The following DCC variants were observed in gnomAD, a reference collection of about 807,000 sequenced individuals.
The protein encoded by DCC is DCC netrin 1 receptor.
In DCC, 58 loss-of-function variants were observed where a neutral mutation model predicts 172.5. That is an observed-to-expected ratio of 0.34 (90% CI 0.27 to 0.42). The LOEUF (loss-of-function observed/expected upper bound fraction) is 0.42, where lower values mean the gene tolerates loss of function less well. Among genes scored for constraint, DCC ranks in the 10% least tolerant of loss-of-function variants. The pLI, the probability that DCC is intolerant of heterozygous loss-of-function variation, is 1.00. For synonymous variants in DCC, 709 were observed against 644.5 expected, an observed-to-expected ratio of 1.10 and a Z score of -1.52; for missense variants, 1,740 against 1,791.0, an observed-to-expected ratio of 0.97 and a Z score of 0.51.
chr18:52,371,846 G>T (rs1442702095), intron 1 of DCC, among the ~76,000 whole-genome samples: 1 of 152,188 alleles, frequency 6.6e-6, no homozygotes, highest in African/African-American at 2.4e-5. Context: ...GGCACCCTAG[G>T]TTCCTCTCTG....
At chr18:52,350,048 T>TA (rs1426519714) in intron 1 of DCC, among the ~76,000 whole-genome samples, 1 of 152,232 alleles carries the variant, frequency 6.6e-6, no homozygotes, top group East Asian at 1.9e-4. Flanking sequence ...CAGGAAGGAC[T>TA]ATCAATGCCT....
At chr18:53,514,125 C>G (rs1568180352) in intron 27 of DCC, among the ~76,000 whole-genome samples, 1 of 152,146 alleles carries the variant, frequency 6.6e-6, no homozygotes, top group Non-Finnish European at 1.5e-5. Context: ...TGCAATCAAA[C>G]TAGAACTCAG....
intron 1 of DCC, among the ~76,000 whole-genome samples, chr18:52,550,441 T>C (rs1162927088): frequency 2.0e-5 from 3 of 152,158 alleles, no homozygotes; most frequent in African/African-American, 4.8e-5. Flanking sequence ...TGTGTTCTAT[T>C]TGATGAACGG....
At chr18:53,465,849 C>A (rs1448352103) in intron 24 of DCC, among the ~76,000 whole-genome samples, 3 of 152,178 alleles carry the variant, frequency 2.0e-5, no homozygotes, top group African/African-American at 7.2e-5. Context: ...ACTGCAATCT[C>A]CGCCTCCCAG....
chr18:53,439,031 A>G (rs1053400292), intron 22 of DCC, among the ~76,000 whole-genome samples: 1 of 152,220 alleles, frequency 6.6e-6, no homozygotes, highest in African/African-American at 2.4e-5. Context: ...CGTATCTGAA[A>G]TATTTCTAGA....
intron 5 of DCC, among the ~76,000 whole-genome samples, chr18:52,999,389 A>G (rs2041531021): frequency 1.3e-5 from 2 of 152,022 alleles, no homozygotes; most frequent in Admixed American, 1.3e-4. Flanking sequence ...AACCCTTGGG[A>G]TAGAATATTT....
intron 1 of DCC, among the ~76,000 whole-genome samples, chr18:52,532,722 T>A (rs1555694237): frequency 1.3e-5 from 2 of 152,112 alleles, no homozygotes; most frequent in Non-Finnish European, 2.9e-5. Flanking sequence ...TGTTTTTTTT[T>A]CTGAGGGCCT....
At chr18:53,191,002 T>G (rs1216775094) in intron 9 of DCC, among the ~76,000 whole-genome samples, 3 of 152,152 alleles carry the variant, frequency 2.0e-5, no homozygotes, top group African/African-American at 7.2e-5. Flanking sequence ...TAAGCCAGCC[T>G]GGATGAATTA....
chr18:53,050,201 A>T (rs959130098), intron 5 of DCC, among the ~76,000 whole-genome samples: 9 of 151,850 alleles, frequency 5.9e-5, no homozygotes, highest in Admixed American at 1.3e-4. Flanking sequence ...GATGGTGCCC[A>T]CCCCCATTGT....
At position 52,482,697 on chromosome 18, in the gene DCC, A is replaced by C. The variant is rs1239231671; in HGVS notation, c.91+141819A>C. The stretch of plus-strand genomic sequence containing the variant: ...CTTAATCCCATCACATTTGGGGTAG[A>C]ATTTCAATATATGAATCTTGGAACT... On this transcript the variant is annotated intron_variant, in intron 1 of 28. Transcript: ENST00000442544. 3.3e-5 allele frequency among the ~76,000 whole-genome samples: 5 copies of C among 152,284 alleles called. 1 individual carries two copies. The South Asian group carries it at 1.0e-3, about 32-fold the overall frequency.
Position 53,262,290 on chromosome 18 carries a change from A to G in DCC, c.1912-43288A>G, listed in dbSNP as rs72925305. ...CCATTTTTCCTCGTAGCCTAAAATC[A>G]ACTCTATATACAGACCAAATGCTAT... On this transcript the variant is annotated intron_variant, in intron 12 of 28. Transcript: ENST00000442544. 8.4e-3 allele frequency among the ~76,000 whole-genome samples: 1,274 copies of G among 152,312 alleles called. 10 individuals carry two copies. The highest frequency in any genetic ancestry group is 0.014 in the Non-Finnish European group (962 of 68,020).
chr18:52,884,227 A>G (rs2039537026), intron 2 of DCC, among the ~76,000 whole-genome samples: 1 of 152,028 alleles, frequency 6.6e-6, no homozygotes, highest in East Asian at 1.9e-4. Context: ...GTGCTTGAAT[A>G]TTGATATATT....
intron 8 of DCC, among the ~76,000 whole-genome samples, chr18:53,172,394 A>G (rs1327456104): frequency 1.3e-5 from 2 of 149,992 alleles, no homozygotes; most frequent in Non-Finnish European, 2.9e-5. Flanking sequence ...GACAAGATCA[A>G]TCATACCTCA....
intron 7 of DCC, among the ~76,000 whole-genome samples, chr18:53,114,951 A>G (rs2043389146): frequency 6.6e-6 from 1 of 151,700 alleles, no homozygotes; most frequent in Non-Finnish European, 1.5e-5. Context: ...ACTGCCATCA[A>G]TGCTAACACA....
chr18:52,644,814 AGGG>A (rs1158552683), intron 1 of DCC, among the ~76,000 whole-genome samples: 57 of 64,474 alleles, frequency 8.8e-4, no homozygotes, highest in African/African-American at 3.4e-3. Flanking sequence ...GAAGGAAGGG[AGGG>A]AGGGAGGGAG....
intron 1 of DCC, among the ~76,000 whole-genome samples, chr18:52,663,024 A>G (rs1168283634): frequency 6.6e-6 from 1 of 152,192 alleles, no homozygotes; most frequent in Non-Finnish European, 1.5e-5. Context: ...CATTCAGACC[A>G]TACCATTCCC....
chr18:52,618,894 T>C (rs188836246), intron 1 of DCC, among the ~76,000 whole-genome samples: 110 of 152,316 alleles, frequency 7.2e-4, no homozygotes, highest in Middle Eastern at 3.4e-3. Flanking sequence ...TCCTATTGAT[T>C]TTTTTAACTC....
At chr18:53,297,926 T>G (rs1418898556) in intron 12 of DCC, among the ~76,000 whole-genome samples, 1 of 152,142 alleles carries the variant, frequency 6.6e-6, no homozygotes, top group Non-Finnish European at 1.5e-5. Flanking sequence ...TGAGGATGAA[T>G]AAAACTGATA....
intron 5 of DCC, among the ~76,000 whole-genome samples, chr18:52,970,271 A>G (rs1031130085): frequency 6.6e-6 from 1 of 152,108 alleles, no homozygotes; most frequent in Non-Finnish European, 1.5e-5. Context: ...TTAAAATACA[A>G]TCCACACTGT....
Sources: gnomAD v4.1 joint callset for allele counts (sites outside exome capture counted in the v4.1 genomes callset) on GRCh38, gnomAD v4.1.1 for gene constraint, MANE v1.5 for transcripts, NCBI Gene and HGNC (gene_info 2026-07-23, HGNC 2026-07-21) for gene names.